Variants in RNLS observed in about 807,000 individuals in gnomAD.
RNLS encodes the protein renalase.
Under a neutral mutation model 39.8 loss-of-function variants are expected in RNLS, and 39 were observed. The ratio of observed to expected loss-of-function variants is 0.98; its 90% CI spans 0.76 to 1.28. The LOEUF is 1.28. Ranked by LOEUF, RNLS falls within the 50% of genes most tolerant of loss-of-function variation. The pLI is 0.00. For missense variants in RNLS, 410 were observed against 413.3 expected (o/e 0.99, Z 0.07); for synonymous variants, 147 against 150.7 (o/e 0.98, Z 0.18).
the RNLS span, among the ~76,000 whole-genome samples, chr10:88,263,584 C>G: frequency 6.6e-6 from 1 of 151,846 alleles, no homozygotes; most frequent in Non-Finnish European, 1.5e-5. Context: ...GCTCCCAAGC[C>G]CAACCCAAAA....
At chr10:88,320,165 A>AG (rs1190276732) in intron 5 of RNLS, among the ~76,000 whole-genome samples, 1 of 151,826 alleles carries the variant, frequency 6.6e-6, no homozygotes, top group Non-Finnish European at 1.5e-5. Flanking sequence ...AAAAAAAAAA[A>AG]GTCAGCCAAG....
chr10:88,314,440 C>A (rs371648525), intron 6 of RNLS, 26 bp downstream of exon 6: 4 of 1,610,294 alleles, frequency 2.5e-6, no homozygotes, highest in Non-Finnish European at 3.4e-6. Flanking sequence ...AATTGTTGTG[C>A]TTAGACCACT....
At chr10:88,440,972 A>G (rs2133848755) in intron 4 of RNLS, among the ~76,000 whole-genome samples, 2 of 152,356 alleles carry the variant, frequency 1.3e-5, no homozygotes, top group Middle Eastern at 6.8e-3. Flanking sequence ...TAAGGGTGAC[A>G]ATTCTTCAAA....
chr10:88,329,298 C>T (rs1180799645), intron 5 of RNLS, among the ~76,000 whole-genome samples: 1 of 152,134 alleles, frequency 6.6e-6, no homozygotes, highest in African/African-American at 2.4e-5. Context: ...AACGATCCTC[C>T]TGCCTTAGCT....
At chr10:88,246,733 C>T in the RNLS span, among the ~76,000 whole-genome samples, 6 of 152,136 alleles carry the variant, frequency 3.9e-5, no homozygotes, top group Non-Finnish European at 8.8e-5. Context: ...GCCATCACAG[C>T]TTTAACCATT....
At chr10:88,405,222 G>A (rs1473444560) in intron 4 of RNLS, among the ~76,000 whole-genome samples, 1 of 151,998 alleles carries the variant, frequency 6.6e-6, no homozygotes, top group East Asian at 1.9e-4. Flanking sequence ...AATTGGTTTG[G>A]TGCAGATACA....
the RNLS span, among the ~76,000 whole-genome samples, chr10:88,252,082 G>T: frequency 1.3e-5 from 2 of 152,222 alleles, no homozygotes; most frequent in Non-Finnish European, 2.9e-5. Flanking sequence ...ATAAAAATCA[G>T]CAGGTACACT....
the RNLS span, among the ~76,000 whole-genome samples, chr10:88,220,063 G>C: frequency 6.6e-6 from 1 of 152,136 alleles, no homozygotes. Context: ...AAGGGCCAAG[G>C]GTGGACAGGG....
the RNLS span, among the ~76,000 whole-genome samples, chr10:88,240,451 C>T: frequency 6.6e-6 from 1 of 151,238 alleles, no homozygotes; most frequent in South Asian, 2.1e-4. Context: ...ACTAAATTCT[C>T]TTAAATAGTC....
chr10:88,263,793 G>C, the RNLS span, among the ~76,000 whole-genome samples: 1 of 152,090 alleles, frequency 6.6e-6, no homozygotes, highest in Non-Finnish European at 1.5e-5. Context: ...TGTCCAAGGA[G>C]AATAATGGCA....
At chr10:88,511,200 A>G (rs1846106087) in intron 4 of RNLS, among the ~76,000 whole-genome samples, 1 of 152,070 alleles carries the variant, frequency 6.6e-6, no homozygotes, top group African/African-American at 2.4e-5. Flanking sequence ...TGCACTGAGA[A>G]ACTCAGTCCT....
At chr10:88,445,976 T>G (rs1813551510) in intron 4 of RNLS, among the ~76,000 whole-genome samples, 1 of 152,212 alleles carries the variant, frequency 6.6e-6, no homozygotes, top group African/African-American at 2.4e-5. Context: ...AACAGACATC[T>G]GTAGAACTCT....
At chr10:88,314,383 G>C in intron 6 of RNLS, 83 bp downstream of exon 6, 1 of 1,374,670 alleles carries the variant, frequency 7.3e-7, no homozygotes. Flanking sequence ...TCACTAGAGA[G>C]TGCAAAGGAT....
At chr10:88,304,717 T>A (rs80164945) in intron 6 of RNLS, among the ~76,000 whole-genome samples, 648 of 152,226 alleles carry the variant, frequency 4.3e-3, no homozygotes, top group Non-Finnish European at 8.1e-3. Context: ...CTATAAATCA[T>A]TGGTGTCCCT....
rs561555827 is a variant in RNLS at position 88,550,995 on chromosome 10, T to G, written c.526+21908A>C. ...ATTCTGATTCAATTTTATAGTTTGT[T>G]CAGTTTTTCCAAAGAAAATACACAC... On this transcript the variant is annotated intron_variant, in intron 4 of 6. Coordinates refer to ENST00000331772, the MANE Select transcript of RNLS (RefSeq NM_001031709.3). 8.5e-5 allele frequency among the ~76,000 whole-genome samples: 13 copies of G among 152,354 alleles called. 1 individual carries two copies. In the South Asian group the frequency reaches 2.5e-3, roughly 29 times the overall value.
At position 88,460,196 on chromosome 10, in the gene RNLS, C is replaced by G. The variant is rs190901652; in HGVS notation, c.527-97471G>C. On this transcript the variant is annotated intron_variant, in intron 4 of 6. Transcript: ENST00000331772. Reference sequence around the variant, plus strand: ...CCATGCAAGATGCTAGTAAAACATCCCTCCATAAAATCTCTTTATTAGACA... The same window carrying G: ...CCATGCAAGATGCTAGTAAAACATCGCTCCATAAAATCTCTTTATTAGACA... 1.4e-4 allele frequency among the ~76,000 whole-genome samples: 21 copies of G among 152,192 alleles called. No homozygotes were observed. The East Asian group carries it at 3.5e-3, about 25-fold the overall frequency.
intron 4 of RNLS, among the ~76,000 whole-genome samples, chr10:88,568,013 G>C (rs1849612215): frequency 6.6e-6 from 1 of 152,152 alleles, no homozygotes; most frequent in South Asian, 2.1e-4. Context: ...ACCAGACTCT[G>C]TTATAGCTCA....
intron 4 of RNLS, among the ~76,000 whole-genome samples, chr10:88,419,942 G>A (rs542041228): frequency 3.3e-5 from 5 of 151,852 alleles, no homozygotes; most frequent in African/African-American, 1.2e-4. Context: ...CCTGGGAGGT[G>A]GAGGTTGTGA....
At chr10:88,323,985 T>C (rs949380069) in intron 5 of RNLS, among the ~76,000 whole-genome samples, 3 of 152,136 alleles carry the variant, frequency 2.0e-5, no homozygotes, top group Non-Finnish European at 4.4e-5. Context: ...GGATAAATGT[T>C]CAACATCACT....
Sources: allele counts gnomAD v4.1 joint callset (sites outside exome capture counted in the v4.1 genomes callset), GRCh38; gene constraint gnomAD v4.1.1; transcripts MANE v1.5; gene names NCBI Gene and HGNC (gene_info 2026-07-23, HGNC 2026-07-21).